Variants in IQSEC1 observed in about 807,000 individuals in gnomAD.
IQSEC1 encodes IQ motif and SEC7 domain-containing protein 1.
IQSEC1 carries 31 observed loss-of-function variants against 91.0 expected under a neutral mutation model. The observed-to-expected ratio is 0.34, with a 90% CI of 0.26 to 0.46. The LOEUF is 0.46. Ranked by LOEUF, IQSEC1 falls within the 20% of genes least tolerant of loss-of-function variation. The pLI is 1.00. For synonymous variants in IQSEC1, 699 were observed against 662.6 expected, an observed-to-expected ratio of 1.05 and a Z score of -0.84; for missense variants, 1,388 against 1,575.6, an observed-to-expected ratio of 0.88 and a Z score of 2.02.
At chr3:12,942,331 G>A (rs976303917) in intron 1 of IQSEC1, among the ~76,000 whole-genome samples, 11 of 152,182 alleles carry the variant, frequency 7.2e-5, no homozygotes, top group Admixed American at 2.0e-4. Flanking sequence ...GGCCGGGCGC[G>A]GTGGCTCACA....
chr3:13,165,535 GGCGTGTGTGTGTGTGTGTGTGT>G (rs1693474324), intron 1 of IQSEC1, among the ~76,000 whole-genome samples: 5 of 88,996 alleles, frequency 5.6e-5, no homozygotes, highest in South Asian at 4.7e-4. Context: ...GTGGGGGGGT[GGCGTGTGTGTGTGTGTGTGTGT>G]GTGTGTGTGT....
chr3:13,049,545 C>A (rs953474792), intron 1 of IQSEC1, among the ~76,000 whole-genome samples: 15 of 152,172 alleles, frequency 9.9e-5, no homozygotes, highest in Admixed American at 9.2e-4. Flanking sequence ...ACGGAGACCC[C>A]ACACACGGAA....
chr3:13,160,341 G>C (rs895136476), intron 2 of IQSEC1, among the ~76,000 whole-genome samples: 1 of 152,044 alleles, frequency 6.6e-6, no homozygotes, highest in South Asian at 2.1e-4. Context: ...ATTTATTTTT[G>C]GTAGAGACGG....
chr3:12,904,751 G>C (rs1694786760), intron 12 of IQSEC1, among the ~76,000 whole-genome samples: 1 of 152,192 alleles, frequency 6.6e-6, no homozygotes, highest in South Asian at 2.1e-4. Context: ...CTAAAAACCA[G>C]GGCCAGAGGG....
chr3:13,149,608 C>T lies in IQSEC1; in HGVS notation c.302+14496G>A, dbSNP rs999824908. ...GGGAAATCCGGCTCCTCTATTGAGG[C>T]GGGAGCTGTAGGACGTGATGGGAGG... is the stretch of plus-strand genomic sequence containing the variant. On this transcript the variant is annotated intron_variant, in intron 2 of 15. Transcript: ENST00000648114. Among the ~76,000 whole-genome samples the T allele has an allele frequency of 2.6e-5, 4 of 152,186 alleles. No individual in the cohort carries two copies. The East Asian group carries it at 7.7e-4, about 29-fold the overall frequency.
At position 13,229,013 on chromosome 3, in the gene IQSEC1, G is replaced by A. The variant is rs147055943; in HGVS notation, c.272+53698C>T. On this transcript the variant is annotated intron_variant, in intron 1 of 15. Transcript: ENST00000648114. ...TCTTTTCACCACTAGAGCCTGGCCT[G>A]GTGCCTGGCACACAGTATAGATTAT... Among the ~76,000 whole-genome samples, 595 of 152,254 alleles carry A rather than the reference G, an allele frequency of 3.9e-3. 5 individuals are homozygous for A. The highest frequency in any genetic ancestry group is 0.013 in the African/African-American group (554 of 41,522).
intron 3 of IQSEC1, among the ~76,000 whole-genome samples, chr3:12,927,336 G>A (rs921211960): frequency 2.6e-5 from 4 of 152,136 alleles, no homozygotes; most frequent in African/African-American, 4.8e-5. Flanking sequence ...TGGCCTCCAC[G>A]GCAGTGAGTG....
intron 1 of IQSEC1, among the ~76,000 whole-genome samples, chr3:13,217,668 T>G (rs1250910516): frequency 6.6e-6 from 1 of 152,200 alleles, no homozygotes; most frequent in South Asian, 2.1e-4. Flanking sequence ...GCCATGTCCC[T>G]ATAAACTACT....
intron 1 of IQSEC1, among the ~76,000 whole-genome samples, chr3:12,998,016 A>G (rs1387223144): frequency 6.6e-6 from 1 of 152,244 alleles, no homozygotes; most frequent in African/African-American, 2.4e-5. Flanking sequence ...ATTAAGACAC[A>G]TCCATATGAT....
At chr3:13,094,158 C>T (rs1705916073) in intron 2 of IQSEC1, among the ~76,000 whole-genome samples, 1 of 152,128 alleles carries the variant, frequency 6.6e-6, no homozygotes. Context: ...ACTGATACAC[C>T]GATGGTAGCA....
chr3:13,157,709 TG>T, intron 2 of IQSEC1, among the ~76,000 whole-genome samples: 1 of 152,266 alleles, frequency 6.6e-6, no homozygotes, highest in Non-Finnish European at 1.5e-5. Context: ...TACCACCTCC[TG>T]CTCATGTAAA....
intron 1 of IQSEC1, among the ~76,000 whole-genome samples, chr3:13,059,286 C>T (rs1023731175): frequency 2.0e-5 from 3 of 151,812 alleles, no homozygotes; most frequent in African/African-American, 7.2e-5. Flanking sequence ...GCACTATGGT[C>T]TACTATGCCT....
In IQSEC1 at chr3:12,901,215, G is replaced by C; in HGVS notation, c.3113C>G (p.Pro1038Arg). The C allele has an allele frequency of 6.5e-7, 1 of 1,547,648 alleles. No homozygotes were observed. Among genetic ancestry groups the C allele is most frequent in the Non-Finnish European group, 8.7e-7 (1 of 1,145,728 alleles). ...GTGGTGGTGGTGATGGTGGTACGGG[G>C]GAGGGTTCTGCATGTGGCAGTACTG... is the stretch of plus-strand genomic sequence containing the variant. ...HTQYCHMQNP[P>R]PYHHHHHHHP... is the part of the protein sequence containing the mutation. The change falls in exon 14 of 14, where the codon CCC becomes CGC. Residue 1038 changes from proline (P) to arginine (R), a missense_variant. Pro to Arg is a moderately radical substitution (Grantham distance 103). Around this residue, in one of 2 missense-constraint regions of IQSEC1, gnomAD observed 329 missense variants for 257.8 expected, o/e 1.28. Transcript: ENST00000613206.
chr3:13,216,965 T>C (rs1694562143), intron 1 of IQSEC1, among the ~76,000 whole-genome samples: 1 of 152,142 alleles, frequency 6.6e-6, no homozygotes, highest in South Asian at 2.1e-4. Flanking sequence ...GTGAACACAC[T>C]GCAAAACTTA....
intron 1 of IQSEC1, among the ~76,000 whole-genome samples, chr3:13,234,200 G>GCCTGTGGGTGTGAGCCCCCGTGTC (rs1309330513): frequency 7.2e-6 from 1 of 138,038 alleles, no homozygotes; most frequent in South Asian, 2.7e-4. Context: ...CCATGTCTGT[G>GCCTGTGGGTGTGAGCCCCCGTGTC]TGTGCCTGTG....
rs1040467879 is a variant in IQSEC1, at chr3:12,994,239, C to T, written c.24-52374G>A. 6.7e-6 allele frequency among the ~76,000 whole-genome samples: 1 copy of T among 149,968 alleles called. No individual in the cohort carries two copies. The highest frequency in any genetic ancestry group is 1.5e-5 in the Non-Finnish European group (1 of 67,228). ...CAGCGCCACCGGCGGGGCGGCCTCC[C>T]CGCGCGCCGCCCTCCTGCCCGCCCC... On this transcript the variant is annotated intron_variant, in intron 1 of 13. Coordinates refer to ENST00000613206, the MANE Select transcript of IQSEC1 (RefSeq NM_001134382.3). This position sits in a 1 kb window ranked among gnomAD's most constrained non-coding sequence, Gnocchi z 4.5.
rs560330919 is a variant in IQSEC1 at position 13,156,192 on chromosome 3, GCTGCACT to G, written c.302+7905_302+7911del. Among the ~76,000 whole-genome samples the G allele has an allele frequency of 5.3e-5, 8 of 151,988 alleles. No individual in the cohort carries two copies. The South Asian group carries it at 1.7e-3, about 32-fold the overall frequency. Reference sequence around the variant, plus strand: ...GGTTGCAGTGAGCTGAAACTGCACTGCTGCACTCTAGCCTAGGTGATAGAGCGAGACT... The same window carrying G: ...GGTTGCAGTGAGCTGAAACTGCACTGCTAGCCTAGGTGATAGAGCGAGACT... On this transcript the variant is annotated intron_variant, in intron 2 of 15. Coordinates refer to the IQSEC1 transcript ENST00000648114.
At chr3:13,223,474 A>T (rs1694697811) in intron 1 of IQSEC1, among the ~76,000 whole-genome samples, 1 of 152,158 alleles carries the variant, frequency 6.6e-6, no homozygotes, top group Admixed American at 6.5e-5. Flanking sequence ...CCTGCTGCAG[A>T]GGGAGTCCTT....
At position 12,967,343 on chromosome 3, in the gene IQSEC1, G is replaced by A; in HGVS notation, c.24-25478C>T. The A allele has an allele frequency of 1.3e-6, 2 of 1,495,400 alleles. No homozygotes were observed. The highest frequency in any genetic ancestry group is 9.0e-7 in the Non-Finnish European group (1 of 1,114,344). 92.6% of individuals were successfully genotyped at this position (1,495,400 alleles called of 1,614,324 possible). ...TCCCCACAGCCTGCGCCAGCCCACC[G>A]CTCAGCACCCGGGAAGGCCGCTCGC... On this transcript the variant is annotated intron_variant, in intron 1 of 13. Transcript: ENST00000613206. This position sits in a 1 kb window ranked among gnomAD's most constrained non-coding sequence, Gnocchi z 5.9.
Sources: allele counts gnomAD v4.1 joint callset (sites outside exome capture counted in the v4.1 genomes callset), GRCh38; gene constraint gnomAD v4.1.1; regional missense constraint gnomAD v4.1.1; non-coding constraint Gnocchi (gnomAD v3.1); transcripts MANE v1.5; gene names NCBI Gene and HGNC (gene_info 2026-07-23, HGNC 2026-07-21).